Variants in AGTPBP1 observed in about 807,000 individuals in gnomAD.
AGTPBP1 encodes cytosolic carboxypeptidase 1.
AGTPBP1 carries 70 observed loss-of-function variants against 143.9 expected under a neutral mutation model. That is an observed-to-expected ratio of 0.49 (90% CI 0.40 to 0.59). The LOEUF (loss-of-function observed/expected upper bound fraction) is 0.59, where lower values mean the gene tolerates loss of function less well. AGTPBP1 is among the 20% of genes least tolerant of loss of function. The pLI, the probability that AGTPBP1 is intolerant of heterozygous loss-of-function variation, is 0.00. For missense variants in AGTPBP1, 1,229 were observed against 1,464.5 expected (o/e 0.84, Z 2.62); for synonymous variants, 463 against 500.2 (o/e 0.93, Z 0.99).
At chr9:85,797,819 G>A in the AGTPBP1 span, among the ~76,000 whole-genome samples, 1 of 152,186 alleles carries the variant, frequency 6.6e-6, no homozygotes, top group African/African-American at 2.4e-5. Context: ...GGTTGGAAAA[G>A]CTTGATCTAG....
the AGTPBP1 span, among the ~76,000 whole-genome samples, chr9:85,783,908 A>G: frequency 6.6e-6 from 1 of 152,220 alleles, no homozygotes; most frequent in Non-Finnish European, 1.5e-5. Flanking sequence ...TACAGGCATG[A>G]GCCACCGTGC....
At chr9:85,725,606 G>A (rs993364885) in intron 1 of AGTPBP1, among the ~76,000 whole-genome samples, 1 of 152,126 alleles carries the variant, frequency 6.6e-6, no homozygotes, top group Non-Finnish European at 1.5e-5. Context: ...AAATTGGAGA[G>A]AAATTTTAAT....
chr9:85,745,726 G>T (rs940503993), upstream of AGTPBP1, among the ~76,000 whole-genome samples: 7 of 152,180 alleles, frequency 4.6e-5, no homozygotes, highest in Admixed American at 4.6e-4. Flanking sequence ...GGCCAGGTGT[G>T]GTGGCTCATG....
intron 17 of AGTPBP1, among the ~76,000 whole-genome samples, chr9:85,611,487 A>C (rs62566923): frequency 0.017 from 2,514 of 152,212 alleles, 28 homozygotes; most frequent in Middle Eastern, 0.054. Flanking sequence ...GCAAAAGGAA[A>C]ATGGAAAACT....
the AGTPBP1 span, among the ~76,000 whole-genome samples, chr9:85,783,740 T>C: frequency 3.9e-5 from 6 of 152,268 alleles, no homozygotes; most frequent in East Asian, 1.2e-3. Flanking sequence ...GTTCAAACAA[T>C]TCTCCTGCCT....
At chr9:85,778,111 A>C in the AGTPBP1 span, among the ~76,000 whole-genome samples, 1 of 152,202 alleles carries the variant, frequency 6.6e-6, no homozygotes, top group African/African-American at 2.4e-5. Flanking sequence ...CATTTGTGCC[A>C]CTTTCTCATG....
intron 18 of AGTPBP1, 86 bp from the exon 19 acceptor site, chr9:85,592,790 G>A: frequency 5.4e-6 from 8 of 1,491,692 alleles, no homozygotes; most frequent in East Asian, 2.4e-5. Context: ...GAACTTCAGG[G>A]AAAAAAGAAA....
intron 1 of AGTPBP1, among the ~76,000 whole-genome samples, chr9:85,725,217 G>A (rs1421612276): frequency 1.3e-5 from 2 of 152,146 alleles, no homozygotes; most frequent in African/African-American, 4.8e-5. Flanking sequence ...AGGTCCCAGA[G>A]TGTAAGGCAG....
the AGTPBP1 span, among the ~76,000 whole-genome samples, chr9:85,754,669 T>C: frequency 2.4e-4 from 36 of 152,296 alleles, no homozygotes; most frequent in East Asian, 4.6e-3. Flanking sequence ...AAATACTGTA[T>C]TTAAAATACC....
intron 1 of AGTPBP1, among the ~76,000 whole-genome samples, chr9:85,739,982 C>A (rs1824130801): frequency 6.7e-6 from 1 of 148,466 alleles, no homozygotes; most frequent in Non-Finnish European, 1.5e-5. Context: ...CTAGCCTGGG[C>A]GAGAGAGTGA....
chr9:85,783,563 A>G, the AGTPBP1 span, among the ~76,000 whole-genome samples: 15 of 152,350 alleles, frequency 9.8e-5, 1 homozygote, highest in South Asian at 1.7e-3. Context: ...TCTGAGTTCC[A>G]TAAAATGTTT....
At chr9:85,599,927 T>C (rs1014588571) in intron 17 of AGTPBP1, among the ~76,000 whole-genome samples, 1 of 152,210 alleles carries the variant, frequency 6.6e-6, no homozygotes, top group African/African-American at 2.4e-5. Context: ...TGGGTTTGAA[T>C]TCCAACTTCA....
intron 25 of AGTPBP1, among the ~76,000 whole-genome samples, chr9:85,562,008 T>A (rs935561597): frequency 2.6e-5 from 4 of 151,894 alleles, no homozygotes; most frequent in African/African-American, 7.3e-5. Flanking sequence ...ATTTTCATAT[T>A]TTTAGTAGAG....
intron 25 of AGTPBP1, among the ~76,000 whole-genome samples, chr9:85,574,450 A>AC (rs1173337653): frequency 1.5e-5 from 2 of 132,498 alleles, no homozygotes; most frequent in East Asian, 4.4e-4. Context: ...TGCGAGAAAC[A>AC]CCCAAGAATG....
At chr9:85,709,185 C>A (rs899520765) in intron 2 of AGTPBP1, among the ~76,000 whole-genome samples, 1 of 152,098 alleles carries the variant, frequency 6.6e-6, no homozygotes, top group Non-Finnish European at 1.5e-5. Flanking sequence ...GAACATCATT[C>A]AATATAATTC....
intron 25 of AGTPBP1, among the ~76,000 whole-genome samples, chr9:85,557,874 T>C (rs1826451357): frequency 1.3e-5 from 2 of 152,184 alleles, no homozygotes; most frequent in Non-Finnish European, 2.9e-5. Context: ...TTTGTACTAT[T>C]TTACCAATAT....
intron 25 of AGTPBP1, among the ~76,000 whole-genome samples, chr9:85,568,749 G>C (rs1402518761): frequency 6.6e-6 from 1 of 152,186 alleles, no homozygotes; most frequent in East Asian, 1.9e-4. Context: ...AAATATCTCA[G>C]AAGAGAAATC....
intron 8 of AGTPBP1, among the ~76,000 whole-genome samples, chr9:85,668,230 TGAA>T (rs1190552027): frequency 6.6e-6 from 1 of 152,082 alleles, no homozygotes; most frequent in Non-Finnish European, 1.5e-5. Context: ...CTAAATATAA[TGAA>T]GAATAATGTA....
intron 11 of AGTPBP1, among the ~76,000 whole-genome samples, chr9:85,652,442 G>C (rs1024740397): frequency 3.9e-5 from 6 of 152,282 alleles, no homozygotes; most frequent in Admixed American, 1.3e-4. Context: ...AACCCAGGAA[G>C]CGGACGCTGC....
Sources: allele counts gnomAD v4.1 joint callset (sites outside exome capture counted in the v4.1 genomes callset), GRCh38; gene constraint gnomAD v4.1.1; transcripts MANE v1.5; gene names NCBI Gene and HGNC (gene_info 2026-07-23, HGNC 2026-07-21).